RGS8: variants seen among roughly 807,000 people sequenced by gnomAD.
RGS8 encodes the protein regulator of G-protein signaling 8.
In RGS8, 8 loss-of-function variants were observed where a neutral mutation model predicts 21.7. The observed-to-expected ratio is 0.37, with a 90% confidence interval of 0.22 to 0.66. RGS8 has a LOEUF of 0.66. Among genes scored for constraint, RGS8 ranks in the 30% least tolerant of loss-of-function variants. RGS8 has a pLI of 0.59. For synonymous variants in RGS8, 80 were observed against 83.6 expected, an observed-to-expected ratio of 0.96 and a Z score of 0.24; for missense variants, 157 against 217.9, an observed-to-expected ratio of 0.72 and a Z score of 1.76.
At chr1:182,687,192 C>T (rs1175730454), upstream of RGS8, among the ~76,000 whole-genome samples, 2 of 152,090 alleles carry the variant, frequency 1.3e-5, no homozygotes, top group African/African-American at 2.4e-5. Flanking sequence ...TCTGGGAATA[C>T]GCATTTATTT....
chr1:182,741,402 C>CG, the RGS8 span, among the ~76,000 whole-genome samples: 16 of 114,354 alleles, frequency 1.4e-4, no homozygotes, highest in South Asian at 6.3e-4. Context: ...GCTGGCCGGG[C>CG]GGGGGGCTGA....
the RGS8 span, among the ~76,000 whole-genome samples, chr1:182,711,375 C>A: frequency 1.3e-5 from 2 of 152,316 alleles, no homozygotes; most frequent in Non-Finnish European, 1.5e-5. Flanking sequence ...TGTCATTCTT[C>A]TGATTTCCAA....
the RGS8 span, among the ~76,000 whole-genome samples, chr1:182,700,308 AG>A: frequency 6.6e-6 from 1 of 152,218 alleles, no homozygotes; most frequent in Non-Finnish European, 1.5e-5. Context: ...GGATGGAAGC[AG>A]GTGTAACCAC....
chr1:182,724,849 C>T, the RGS8 span, among the ~76,000 whole-genome samples: 54 of 152,192 alleles, frequency 3.5e-4, no homozygotes, highest in Non-Finnish European at 6.9e-4. Context: ...TGAGCCACCG[C>T]GCCCGGCCTA....
At chr1:182,651,733 AGCCT>A (rs1318470539) in intron 5 of RGS8, among the ~76,000 whole-genome samples, 3 of 152,234 alleles carry the variant, frequency 2.0e-5, no homozygotes, top group Non-Finnish European at 4.4e-5. Flanking sequence ...TTAGACAGCC[AGCCT>A]GCCTGCCAGG....
chr1:182,656,207 A>T (rs1663268658), intron 5 of RGS8, among the ~76,000 whole-genome samples: 1 of 152,218 alleles, frequency 6.6e-6, no homozygotes, highest in East Asian at 1.9e-4. Flanking sequence ...GACTTTGCAC[A>T]CACATCTGCG....
intron 5 of RGS8, among the ~76,000 whole-genome samples, chr1:182,659,216 C>T (rs1478917934): frequency 6.6e-6 from 1 of 152,100 alleles, no homozygotes; most frequent in East Asian, 1.9e-4. Flanking sequence ...AACTCCTATT[C>T]CAATGTTCTT....
At chr1:182,719,489 C>G in the RGS8 span, among the ~76,000 whole-genome samples, 1 of 144,080 alleles carries the variant, frequency 6.9e-6, no homozygotes, top group East Asian at 2.0e-4. Flanking sequence ...GACAGAGTCT[C>G]TCTCTGTCAC....
At chr1:182,752,267 C>G in the RGS8 span, among the ~76,000 whole-genome samples, 1 of 152,206 alleles carries the variant, frequency 6.6e-6, no homozygotes, top group Non-Finnish European at 1.5e-5. Context: ...ATCCTAGCAG[C>G]CACAGGAGTC....
the RGS8 span, among the ~76,000 whole-genome samples, chr1:182,743,166 G>A: frequency 6.6e-6 from 1 of 152,110 alleles, no homozygotes; most frequent in Non-Finnish European, 1.5e-5. Context: ...AAAGAGCATG[G>A]GATTTGGAAT....
chr1:182,690,720 T>C, the RGS8 span, among the ~76,000 whole-genome samples: 1 of 152,194 alleles, frequency 6.6e-6, no homozygotes, highest in Non-Finnish European at 1.5e-5. Flanking sequence ...ACTAGGATAT[T>C]ATCAACAGCT....
At chr1:182,694,011 C>T in the RGS8 span, among the ~76,000 whole-genome samples, 1 of 151,970 alleles carries the variant, frequency 6.6e-6, no homozygotes, top group Non-Finnish European at 1.5e-5. Context: ...TATCCAGTAC[C>T]CTACTGGGTA....
chr1:182,706,804 T>A, the RGS8 span, among the ~76,000 whole-genome samples: 3 of 152,214 alleles, frequency 2.0e-5, no homozygotes, highest in East Asian at 5.8e-4. Flanking sequence ...TGGGAGTACA[T>A]TATTTCATAT....
the RGS8 span, among the ~76,000 whole-genome samples, chr1:182,745,475 C>T: frequency 9.2e-5 from 14 of 152,294 alleles, no homozygotes; most frequent in Middle Eastern, 6.8e-3. Context: ...GAACCTTGAT[C>T]GGGCAACTTT....
At chr1:182,674,236 A>G (rs1187873951), upstream of RGS8, among the ~76,000 whole-genome samples, 4 of 152,206 alleles carry the variant, frequency 2.6e-5, no homozygotes, top group Admixed American at 2.6e-4. Flanking sequence ...AGGGCTGCAA[A>G]TGGGCCTGAG....
chr1:182,751,112 T>C, the RGS8 span, among the ~76,000 whole-genome samples: 1 of 152,112 alleles, frequency 6.6e-6, no homozygotes, highest in African/African-American at 2.4e-5. Context: ...GGCTATGATA[T>C]GGGGGCAGGG....
At chr1:182,708,655 C>A in the RGS8 span, among the ~76,000 whole-genome samples, 1 of 152,236 alleles carries the variant, frequency 6.6e-6, no homozygotes, top group Non-Finnish European at 1.5e-5. Flanking sequence ...CAGACAGAGA[C>A]CACTTGTGTC....
At chr1:182,721,048 TAC>T in the RGS8 span, among the ~76,000 whole-genome samples, 9 of 70,730 alleles carry the variant, frequency 1.3e-4, no homozygotes, top group Admixed American at 4.0e-4. Context: ...TACATATACA[TAC>T]ATATATATGT....
the RGS8 span, among the ~76,000 whole-genome samples, chr1:182,739,090 G>A: frequency 6.6e-6 from 1 of 152,160 alleles, no homozygotes. Context: ...TCTTCTAGCT[G>A]ACATTTATGG....
Sources: allele counts gnomAD v4.1 joint callset (sites outside exome capture counted in the v4.1 genomes callset), GRCh38; gene constraint gnomAD v4.1.1; transcripts MANE v1.5; gene names NCBI Gene and HGNC (gene_info 2026-07-23, HGNC 2026-07-21).